Variants in CAPRIN2 observed in about 807,000 individuals in gnomAD.
The protein encoded by CAPRIN2 is caprin family member 2.
Under a neutral mutation model 130.4 loss-of-function variants are expected in CAPRIN2, and 66 were observed. That is an observed-to-expected ratio of 0.51 (90% CI 0.42 to 0.62). The LOEUF (loss-of-function observed/expected upper bound fraction) is 0.62, where lower values mean the gene tolerates loss of function less well. Ranked by LOEUF, CAPRIN2 falls within the 20% of genes least tolerant of loss-of-function variation. CAPRIN2 has a pLI of 0.00. For missense variants in CAPRIN2, 1,185 were observed against 1,246.6 expected (o/e 0.95, Z 0.74); for synonymous variants, 471 against 444.1 (o/e 1.06, Z -0.76).
intron 2 of CAPRIN2, among the ~76,000 whole-genome samples, chr12:30,750,786 A>G (rs763314466): frequency 2.0e-5 from 3 of 152,214 alleles, no homozygotes; most frequent in Admixed American, 1.3e-4. Context: ...ACTCTGGCAC[A>G]TAAGTTTAAC....
chr12:30,745,500 G>T (rs2069638651), intron 2 of CAPRIN2, among the ~76,000 whole-genome samples: 1 of 152,060 alleles, frequency 6.6e-6, no homozygotes, highest in Admixed American at 6.5e-5. Flanking sequence ...CAAAGAGGCT[G>T]CAAGAGCCAT....
chr12:30,751,367 A>AT (rs2073774917), intron 1 of CAPRIN2: 1 of 508,786 alleles, frequency 2.0e-6, no homozygotes, highest in African/African-American at 1.9e-5. Flanking sequence ...TAATAAAACT[A>AT]TTTTCTCTTA....
At chr12:30,716,712 G>T in intron 12 of CAPRIN2, 36 bp from the exon 15 acceptor site, 1 of 1,591,460 alleles carries the variant, frequency 6.3e-7, no homozygotes. Context: ...CATTTGGGAA[G>T]TTTCAAAGAA....
chr12:30,711,195 C>G (rs2054377788), intron 16 of CAPRIN2, among the ~76,000 whole-genome samples: 1 of 152,062 alleles, frequency 6.6e-6, no homozygotes, highest in South Asian at 2.1e-4. Context: ...TTAATTTGTG[C>G]TTATTTGAAT....
intron 2 of CAPRIN2, among the ~76,000 whole-genome samples, chr12:30,745,096 T>G (rs941930870): frequency 6.6e-6 from 1 of 152,174 alleles, no homozygotes; most frequent in African/African-American, 2.4e-5. Context: ...AGAGGGAAGA[T>G]TCTACATTAC....
At chr12:30,735,453 C>A (rs566013639) in intron 3 of CAPRIN2, among the ~76,000 whole-genome samples, 2 of 152,126 alleles carry the variant, frequency 1.3e-5, no homozygotes, top group African/African-American at 2.4e-5. Context: ...TGTCTAGAAC[C>A]GCTAATATCA....
intron 3 of CAPRIN2, among the ~76,000 whole-genome samples, chr12:30,740,466 A>C (rs1466306223): frequency 6.6e-6 from 1 of 152,182 alleles, no homozygotes; most frequent in Admixed American, 6.5e-5. Flanking sequence ...GAAGTGTTTA[A>C]GACTTCATAT....
exon 15 of CAPRIN2, chr12:30,713,871 T>C (rs1018167401): frequency 1.3e-6 from 2 of 1,595,830 alleles, no homozygotes; most frequent in Non-Finnish European, 1.7e-6. Flanking sequence ...GGGAGTCCTC[T>C]ATAAGTATCA....
exon 14 of CAPRIN2, chr12:30,715,006 C>T (rs759687419): frequency 6.2e-7 from 1 of 1,614,030 alleles, no homozygotes; most frequent in East Asian, 2.2e-5. Context: ...TAATCTCCCA[C>T]CACGAGTACA....
At position 30,711,104 on chromosome 12, in the gene CAPRIN2, C is replaced by T. The variant is rs1293884549; in HGVS notation, c.2665+462G>A. On this transcript the variant is annotated intron_variant, in intron 16 of 16. Coordinates refer to ENST00000298892, the Ensembl canonical transcript of CAPRIN2. ...GTTACTCTTCAGTGATTTTTCTTCT[C>T]CCTTATACAAACTTTTAATAGTTCC... is the stretch of plus-strand genomic sequence containing the variant. Among the ~76,000 whole-genome samples the T allele has an allele frequency of 2.0e-5, 3 of 152,268 alleles. No individual in the cohort carries two copies. In the South Asian group the frequency reaches 6.2e-4, roughly 32 times the overall value.
chr12:30,725,826 C>G (rs1043547795), intron 9 of CAPRIN2, 140 bp downstream of exon 10: 2 of 558,252 alleles, frequency 3.6e-6, no homozygotes, highest in African/African-American at 3.9e-5. Context: ...AAGTAATTTG[C>G]CTAAACTCCA....
intron 2 of CAPRIN2, among the ~76,000 whole-genome samples, chr12:30,750,499 G>T (rs2073206120): frequency 2.0e-5 from 3 of 150,410 alleles, no homozygotes; most frequent in Admixed American, 2.0e-4. Flanking sequence ...GTTAACCGAT[G>T]GAAAAAAATG....
intron 5 of CAPRIN2, 98 bp from the exon 7 acceptor site, chr12:30,731,608 C>G: frequency 1.1e-6 from 1 of 939,536 alleles, no homozygotes; most frequent in Non-Finnish European, 1.6e-6. Flanking sequence ...TACATTGTTA[C>G]AATAGTTTAC....
intron 1 of CAPRIN2, 40 bp downstream of exon 2, chr12:30,753,298 AATCTTT>A (rs767387049): frequency 2.8e-5 from 41 of 1,474,368 alleles, no homozygotes; most frequent in Non-Finnish European, 3.7e-5. Flanking sequence ...TCAGCTCCTT[AATCTTT>A]AAGATCATGC....
chr12:30,710,056 T>C lies in CAPRIN2; in HGVS notation c.3080A>G (p.Asn1027Ser). The stretch of plus-strand genomic sequence containing the variant: ...AGTTTCATGGTCTGGAGCACCATCA[T>C]TGGCATAGGCTGATACCAAGACCTC... The change falls in exon 17 of 17, where the codon AAT becomes AGT. Residue 1027 changes from asparagine (N) to serine (S), a missense_variant. Transcript: ENST00000298892. This position sits in a 1 kb window ranked among gnomAD's most constrained non-coding sequence, Gnocchi z 4.8. 2 of 1,614,168 alleles carry C rather than the reference T, an allele frequency of 1.2e-6. No homozygotes were observed. Among genetic ancestry groups the C allele is most frequent in the South Asian group, 1.1e-5 (1 of 91,088 alleles).
intron 3 of CAPRIN2, 100 bp downstream of exon 4, chr12:30,740,920 A>G (rs2067168398): frequency 1.4e-6 from 1 of 690,714 alleles, no homozygotes; most frequent in Non-Finnish European, 2.5e-6. Context: ...AATTAGAAGA[A>G]TAATAACCAA....
intron 12 of CAPRIN2, chr12:30,720,001 T>C (rs376214079): frequency 2.0e-5 from 3 of 152,372 alleles, no homozygotes; most frequent in South Asian, 2.1e-4. Context: ...CATCCTACTA[T>C]GTCCATCTCA....
chr12:30,750,999 G>T, intron 2 of CAPRIN2, 72 bp downstream of exon 3: 1 of 1,062,990 alleles, frequency 9.4e-7, no homozygotes. Flanking sequence ...AAGACTGATC[G>T]CACTAAATCC....
intron 10 of CAPRIN2, 121 bp downstream of exon 11, chr12:30,724,249 T>A (rs910098678): frequency 3.0e-6 from 2 of 658,470 alleles, no homozygotes; most frequent in Non-Finnish European, 5.5e-6. Context: ...TGGATACAGT[T>A]AGAATAAATT....
Sources: gnomAD v4.1 joint callset for allele counts (sites outside exome capture counted in the v4.1 genomes callset) on GRCh38, gnomAD v4.1.1 for gene constraint, Gnocchi (gnomAD v3.1) non-coding constraint, MANE v1.5 for transcripts, NCBI Gene and HGNC (gene_info 2026-07-23, HGNC 2026-07-21) for gene names.